Variants in CATSPERG observed in about 807,000 individuals in gnomAD.
The protein encoded by CATSPERG is catsper channel auxiliary subunit gamma.
A neutral mutation model predicts 145.0 loss-of-function variants in CATSPERG; 115 were observed. That is an observed-to-expected ratio of 0.79 (90% confidence interval 0.68 to 0.93). The LOEUF (loss-of-function observed/expected upper bound fraction) is 0.93. Among genes scored for constraint, CATSPERG ranks in the 40% least tolerant of loss-of-function variants. The pLI is 0.00. For missense variants in CATSPERG, 1,296 were observed against 1,490.1 expected (o/e 0.87, Z 2.14); for synonymous variants, 588 against 589.0 (o/e 1.00, Z 0.02).
chr19:38,369,820 TGAATGAATGAGTGAATGAAG>T, intron 26 of CATSPERG, 132 bp from the exon 27 acceptor site: 2 of 750,248 alleles, frequency 2.7e-6, no homozygotes, highest in Non-Finnish European at 4.7e-6. Context: ...TCAGTCAGCA[TGAATGAATGAGTGAATGAAG>T]GAATGAATGA....
chr19:38,350,849 CATG>C, intron 7 of CATSPERG, among the ~76,000 whole-genome samples: 1 of 152,178 alleles, frequency 6.6e-6, no homozygotes, highest in South Asian at 2.1e-4. Flanking sequence ...ATTAGCCAGG[CATG>C]GTGGTGGGCA....
chr19:38,358,621 G>A, intron 13 of CATSPERG, 60 bp downstream of exon 13: 2 of 1,601,342 alleles, frequency 1.2e-6, no homozygotes, highest in Non-Finnish European at 1.7e-6. Context: ...CAACTTTACG[G>A]TGGGGACCCT....
At chr19:38,355,956 CT>C (rs1199860079) in intron 9 of CATSPERG, among the ~76,000 whole-genome samples, 1 of 152,118 alleles carries the variant, frequency 6.6e-6, no homozygotes, top group African/African-American at 2.4e-5. Context: ...TTTTCTTCAC[CT>C]ACAAAATGTG....
In CATSPERG at chr19:38,360,858, G is replaced by T; in HGVS notation, c.1880+15G>T. The T allele has an allele frequency of 1.3e-6, 2 of 1,591,532 alleles. No homozygotes were observed. The highest frequency in any genetic ancestry group is 1.7e-6 in the Non-Finnish European group (2 of 1,165,350). The stretch of plus-strand genomic sequence containing the variant: ...GAGCGGAAAGGGTGAGAAGACACCG[G>T]ACCATGACAGGGGTCTGAGGGCTCC... On this transcript the variant is annotated intron_variant, in intron 16 of 28. Coordinates refer to ENST00000409235, the MANE Select transcript of CATSPERG (RefSeq NM_021185.5).
At position 38,356,488 on chromosome 19, in the gene CATSPERG, C is replaced by T. The variant is rs1421858334; in HGVS notation, c.1140C>T (p.Gly380=). Residue 380 remains glycine (G), a synonymous_variant, in exon 10 of 29, where the codon GGC becomes GGT. Coordinates refer to ENST00000409235, the MANE Select transcript of CATSPERG (RefSeq NM_021185.5). ...GYVHFGTIRD[G]QVSFEMLPRQ... ...GAACCCGACCTTGCTCTGCAGATGG[C>T]CAGGTGTCCTTTGAGATGCTGCCCA... 1 of 1,613,930 alleles carries T rather than the reference C, an allele frequency of 6.2e-7. No individual in the cohort carries two copies. The highest frequency in any genetic ancestry group is 2.2e-5 in the East Asian group (1 of 44,874).
chr19:38,336,298 A>C (rs1174185634), intron 1 of CATSPERG: 3 of 438,344 alleles, frequency 6.8e-6, no homozygotes, highest in South Asian at 1.6e-5. Flanking sequence ...CCCGAGGCGA[A>C]GAGACAGTTT....
chr19:38,369,638 C>A, intron 26 of CATSPERG: 1 of 351,432 alleles, frequency 2.8e-6, no homozygotes. Flanking sequence ...AGTGCTCAAG[C>A]TATATTTATG....
intron 13 of CATSPERG, 65 bp from the exon 14 acceptor site, chr19:38,359,405 T>C (rs1186927864): frequency 7.8e-6 from 8 of 1,027,186 alleles, no homozygotes; most frequent in African/African-American, 6.3e-5. Context: ...CCCGTGTTAT[T>C]AGGCCTGGGA....
intron 13 of CATSPERG, among the ~76,000 whole-genome samples, 161 bp downstream of exon 13, chr19:38,358,722 G>A (rs939334705): frequency 2.0e-5 from 3 of 152,256 alleles, no homozygotes; most frequent in Admixed American, 2.0e-4. Context: ...CACACCGTTA[G>A]GGTAGTCAGT....
At chr19:38,367,366 C>T in intron 23 of CATSPERG, 54 bp downstream of exon 23, 1 of 1,584,532 alleles carries the variant, frequency 6.3e-7, no homozygotes, top group East Asian at 2.2e-5. Flanking sequence ...GCCCCCACTA[C>T]TTTGTGCTCT....
intron 7 of CATSPERG, among the ~76,000 whole-genome samples, chr19:38,349,877 C>G (rs1229943240): frequency 2.6e-5 from 4 of 151,982 alleles, no homozygotes; most frequent in Admixed American, 2.0e-4. Flanking sequence ...GTTGGCCAGG[C>G]TGGTCCCGAA....
At position 38,357,682 on chromosome 19, in the gene CATSPERG, C is replaced by T. The variant is rs376128928; in HGVS notation, c.1316-596C>T. Among the ~76,000 whole-genome samples, 78 of 151,042 alleles carry T rather than the reference C, an allele frequency of 5.2e-4. No individual in the cohort carries two copies. The East Asian group carries it at 0.01, about 20-fold the overall frequency. ...AAATACAAAAATTGGCCGGGCACGG[C>T]GGCTCACGCCTGTAATCCCAGCACT... On this transcript the variant is annotated intron_variant, in intron 11 of 28. Coordinates refer to ENST00000409235, the MANE Select transcript of CATSPERG (RefSeq NM_021185.5).
intron 20 of CATSPERG, 115 bp from the exon 21 acceptor site, chr19:38,364,776 C>T (rs570049340): frequency 2.9e-5 from 24 of 823,178 alleles, no homozygotes; most frequent in African/African-American, 2.3e-4. Context: ...GGCAGCCTTC[C>T]GTTTTCCTAC....
chr19:38,350,432 C>T (rs1442764652), intron 7 of CATSPERG, among the ~76,000 whole-genome samples: 8 of 152,158 alleles, frequency 5.3e-5, no homozygotes, highest in Admixed American at 5.2e-4. Context: ...GGCTGGAGTG[C>T]AGTGGTGCAA....
rs1970474506 is a variant in CATSPERG, at chr19:38,367,572, G to A, written c.2834G>A (p.Ser945Asn). ...VTGDSGSFQG[S>N]YVLLVVGGGP... ...GGAGACTCCGGCAGTTTCCAGGGCA[G>A]GTAAAGGCGTGGCCAGCTTGCAGCT... The change falls in exon 24 of 29, where the codon AGC (serine) becomes AAC (asparagine). Residue 945 changes from serine (S) to asparagine (N), a missense_variant and splice_region_variant. By Grantham distance (46) the Ser-to-Asn change is conservative (BLOSUM62 1). Transcript: ENST00000409235. 6.2e-7 allele frequency: 1 copy of A among 1,613,974 alleles called. No homozygotes were observed. The highest frequency in any genetic ancestry group is 8.5e-7 in the Non-Finnish European group (1 of 1,179,980).
In CATSPERG at chr19:38,367,743, A is replaced by G. The variant is rs1320598811; in HGVS notation, c.2897A>G (p.Asp966Gly). 6.8e-6 allele frequency: 11 copies of G among 1,614,140 alleles called. No homozygotes were observed. The highest frequency in any genetic ancestry group is 1.3e-5 in the African/African-American group (1 of 75,032). The change falls in exon 25 of 29, where the codon GAC (aspartate) becomes GGC (glycine). Residue 966 changes from aspartate to glycine, a missense_variant. Coordinates refer to ENST00000409235, the MANE Select transcript of CATSPERG (RefSeq NM_021185.5). The part of the protein sequence containing the change: ...TLDSLKDYSE[D>G]EIYRFNSPLD... ...GACAGCCTCAAGGACTACAGTGAGG[A>G]CGAAATCTACCGCTTCAACAGCCCC...
At chr19:38,364,570 C>A (rs978844568) in intron 20 of CATSPERG, among the ~76,000 whole-genome samples, 3 of 152,232 alleles carry the variant, frequency 2.0e-5, no homozygotes, top group Non-Finnish European at 4.4e-5. Context: ...CCAAGGCAGG[C>A]GGCTGGGAGG....
At chr19:38,342,793 T>C (rs1969961385) in intron 3 of CATSPERG, among the ~76,000 whole-genome samples, 1 of 152,006 alleles carries the variant, frequency 6.6e-6, no homozygotes, top group Non-Finnish European at 1.5e-5. Context: ...TCACTGGTGC[T>C]GTTCTGCATG....
chr19:38,342,031 T>C (rs117314599), intron 3 of CATSPERG, among the ~76,000 whole-genome samples: 2 of 149,708 alleles, frequency 1.3e-5, no homozygotes, highest in East Asian at 3.9e-4. Context: ...TGAGCTGTGA[T>C]GGCACCACTG....
Sources: gnomAD v4.1 joint callset for allele counts (sites outside exome capture counted in the v4.1 genomes callset) on GRCh38, gnomAD v4.1.1 for gene constraint, MANE v1.5 for transcripts, NCBI Gene and HGNC (gene_info 2026-07-23, HGNC 2026-07-21) for gene names.